Variants in TATDN2 observed in about 807,000 individuals in gnomAD.
TATDN2 encodes the protein 3'-5' RNA nuclease TATDN2.
Under a neutral mutation model 60.3 loss-of-function variants are expected in TATDN2, and 44 were observed. The observed-to-expected ratio is 0.73, with a 90% confidence interval of 0.57 to 0.94. TATDN2 has a LOEUF of 0.94. TATDN2 is among the 40% of genes least tolerant of loss of function. The pLI, the probability that TATDN2 is intolerant of heterozygous loss-of-function variation, is 0.00. For synonymous variants in TATDN2, 399 were observed against 355.8 expected (o/e 1.12, Z -1.37); for missense variants, 997 against 948.0 (o/e 1.05, Z -0.68).
intron 3 of TATDN2, among the ~76,000 whole-genome samples, chr3:10,262,024 A>G (rs762496373): frequency 5.9e-5 from 9 of 151,848 alleles, no homozygotes; most frequent in Non-Finnish European, 1.2e-4. Context: ...GTAAAACTTC[A>G]TTTTCCTTAA....
chr3:10,257,612 CAA>C (rs919342302), intron 2 of TATDN2, among the ~76,000 whole-genome samples: 1 of 108,280 alleles, frequency 9.2e-6, no homozygotes, highest in Admixed American at 9.5e-5. Context: ...AAAAAAAAAA[CAA>C]AAAAAAAAAA....
chr3:10,276,730 C>T (rs868314836), intron 5 of TATDN2, among the ~76,000 whole-genome samples: 10 of 151,984 alleles, frequency 6.6e-5, no homozygotes, highest in Admixed American at 4.6e-4. Flanking sequence ...CTGGGATTAC[C>T]GGCACATGCC....
At chr3:10,276,891 C>T (rs1306348699) in intron 5 of TATDN2, among the ~76,000 whole-genome samples, 2 of 152,164 alleles carry the variant, frequency 1.3e-5, no homozygotes, top group South Asian at 2.1e-4. Flanking sequence ...CCGGCCTATA[C>T]ACTATCTTTT....
chr3:10,264,183 CCT>C (rs1374760227), intron 3 of TATDN2, among the ~76,000 whole-genome samples: 2 of 152,050 alleles, frequency 1.3e-5, no homozygotes. Context: ...CAGATTTCAC[CCT>C]GTCCTCCTCC....
At position 10,278,795 on chromosome 3, in the gene TATDN2, T is replaced by G; in HGVS notation, c.2146-90T>G. 1 of 1,590,682 alleles carries G rather than the reference T, an allele frequency of 6.3e-7. No homozygotes were observed. The highest frequency in any genetic ancestry group is 1.1e-5 in the South Asian group (1 of 89,404). Reference sequence around the variant, plus strand: ...TCTCTACAGGGCAGCCCCAAAGAGGTCCTTGCTGGGGAAGGGACAGGGAGG... The same window carrying G: ...TCTCTACAGGGCAGCCCCAAAGAGGGCCTTGCTGGGGAAGGGACAGGGAGG... On this transcript the variant is annotated intron_variant, in intron 6 of 7. Transcript: ENST00000448281. The surrounding 1 kb of genome is among the most constrained non-coding windows in gnomAD (Gnocchi z 4.7).
chr3:10,271,988 G>A (rs1221196941), intron 4 of TATDN2, among the ~76,000 whole-genome samples: 2 of 151,732 alleles, frequency 1.3e-5, no homozygotes, highest in Non-Finnish European at 1.5e-5. Context: ...CTCGGCGTCC[G>A]AAAAGTGCTG....
At position 10,249,554 on chromosome 3, in the gene TATDN2, T is replaced by G; in HGVS notation, c.354T>G (p.Arg118=). The part of the protein sequence containing the change: ...GFLSSGGSPL[R]PANASLEEMA... The stretch of plus-strand genomic sequence containing the variant: ...TGTCTTCAGGGGGATCCCCTCTGCG[T>G]CCTGCCAACGCCTCTTTGGAAGAAA... The change falls in exon 2 of 8, where the codon CGT becomes CGG. Residue 118 remains arginine, a synonymous_variant. Transcript: ENST00000448281. The G allele has an allele frequency of 6.4e-7, 1 of 1,567,500 alleles. No individual in the cohort carries two copies. Among genetic ancestry groups the G allele is most frequent in the South Asian group, 1.2e-5 (1 of 84,746 alleles).
chr3:10,250,183 C>CT (rs1202853733), intron 2 of TATDN2, among the ~76,000 whole-genome samples: 91 of 111,664 alleles, frequency 8.1e-4, no homozygotes, highest in African/African-American at 2.8e-3. Context: ...TTTTTTTTTT[C>CT]TTTTTTTTTT....
intron 4 of TATDN2, 146 bp downstream of exon 4, chr3:10,271,161 GATGCCATTTGTCAA>G: frequency 5.1e-6 from 5 of 981,674 alleles, no homozygotes; most frequent in Non-Finnish European, 7.0e-6. Flanking sequence ...AGACCATCTA[GATGCCATTTGTCAA>G]ATGCTTTACA....
chr3:10,256,069 A>G (rs1403319997), intron 2 of TATDN2, among the ~76,000 whole-genome samples: 2 of 152,124 alleles, frequency 1.3e-5, no homozygotes, highest in African/African-American at 4.8e-5. Flanking sequence ...ACTCTCTAAC[A>G]TACATATTTC....
intron 3 of TATDN2, among the ~76,000 whole-genome samples, chr3:10,263,004 G>A (rs187080919): frequency 6.6e-6 from 1 of 152,036 alleles, no homozygotes; most frequent in African/African-American, 2.4e-5. Context: ...AGGTTCAAGC[G>A]ATTCTCCTGC....
At position 10,249,408 on chromosome 3, in the gene TATDN2, TCCTGGGGCTCATC is replaced by T. The variant is rs762404331; in HGVS notation, c.211_223del (p.Trp71AlafsTer28). The T allele has an allele frequency of 1.9e-6, 3 of 1,613,398 alleles. No individual in the cohort carries two copies. In the South Asian group the frequency reaches 3.3e-5, roughly 18 times the overall value. On this transcript the variant is annotated frameshift_variant, in exon 2 of 8. Transcript: ENST00000448281. LOFTEE classifies it high-confidence loss of function. Reference sequence around the variant, plus strand: ...CGATGTGGCTTGCTCGCGGAGGTTATCCTGGGGCTCATCCCGCCGCAGAAATAACTCCTCCTCC... The same window carrying T: ...CGATGTGGCTTGCTCGCGGAGGTTATCCGCCGCAGAAATAACTCCTCCTCC...
Position 10,278,689 on chromosome 3 carries a change from G to C in TATDN2, c.2146-196G>C. ...GCAGTGCAAAGCCCTACCCTGTAGA[G>C]GGTAGTCCAAGGAAGCGTGGGACCC... On this transcript the variant is annotated intron_variant, in intron 6 of 7. Coordinates refer to ENST00000448281, the MANE Select transcript of TATDN2 (RefSeq NM_014760.4). The surrounding 1 kb of genome is among the most constrained non-coding windows in gnomAD (Gnocchi z 4.7). 1 of 989,530 alleles carries C rather than the reference G, an allele frequency of 1.0e-6. No individual in the cohort carries two copies. The highest frequency in any genetic ancestry group is 1.5e-6 in the Non-Finnish European group (1 of 646,144). 61.3% of individuals were successfully genotyped at this position (989,530 alleles called of 1,614,324 possible).
In TATDN2 at chr3:10,249,035, A is replaced by G. The variant is rs1698177297; in HGVS notation, c.-39A>G. 1.4e-6 allele frequency: 1 copy of G among 734,306 alleles called. No homozygotes were observed. Among genetic ancestry groups the G allele is most frequent in the African/African-American group, 1.8e-5 (1 of 54,748 alleles). 45.5% of individuals were successfully genotyped at this position (734,306 alleles called of 1,614,324 possible). A position where few individuals can be genotyped will look rare whatever the true frequency, so the allele number is the denominator to read the frequency against. On this transcript the variant is annotated 5_prime_UTR_variant, in exon 1 of 8. Transcript: ENST00000448281. ...GGTTTGGCATCTCTGAAACCTTGAG[A>G]ACTGTGATGGGCAGTGGAAAGAAGA...
chr3:10,270,026 A>T (rs978068405), intron 3 of TATDN2, 105 bp from the exon 4 acceptor site: 15 of 1,423,982 alleles, frequency 1.1e-5, no homozygotes, highest in Non-Finnish European at 1.4e-5. Context: ...AGCCATCACC[A>T]TGGCCAGAAG....
At chr3:10,274,547 A>G (rs1396774308) in intron 4 of TATDN2, among the ~76,000 whole-genome samples, 1 of 152,160 alleles carries the variant, frequency 6.6e-6, no homozygotes, top group Non-Finnish European at 1.5e-5. Flanking sequence ...AATTTTTTAG[A>G]GGCAGGAATG....
At position 10,270,653 on chromosome 3, in the gene TATDN2, C is replaced by T; in HGVS notation, c.1471C>T (p.Leu491=). The T allele has an allele frequency of 6.2e-7, 1 of 1,614,216 alleles. No homozygotes were observed. Among genetic ancestry groups the T allele is most frequent in the Non-Finnish European group, 8.5e-7 (1 of 1,180,042 alleles). ...SLPKSHLEPS[L]EEGFIDTHCH... ...GCCAAAGAGCCACCTGGAGCCAAGC[C>T]TAGAGGAGGGCTTCATTGACACTCA... The change falls in exon 4 of 8, where the codon CTA becomes TTA. Residue 491 remains leucine (L), a synonymous_variant. Coordinates refer to ENST00000448281, the MANE Select transcript of TATDN2 (RefSeq NM_014760.4).
chr3:10,258,722 G>A (rs1431026118), intron 2 of TATDN2, among the ~76,000 whole-genome samples: 2 of 149,948 alleles, frequency 1.3e-5, no homozygotes, highest in Non-Finnish European at 3.0e-5. Flanking sequence ...CACTTGCCTC[G>A]GCCTCCCAAA....
chr3:10,252,838 G>A (rs1186306683), intron 2 of TATDN2, among the ~76,000 whole-genome samples: 1 of 145,264 alleles, frequency 6.9e-6, no homozygotes, highest in Non-Finnish European at 1.5e-5. Context: ...TCAGGCGTGT[G>A]CCAACCTGCC....
Sources: gnomAD v4.1 joint callset for allele counts (sites outside exome capture counted in the v4.1 genomes callset) on GRCh38, gnomAD v4.1.1 for gene constraint, Gnocchi (gnomAD v3.1) non-coding constraint, MANE v1.5 for transcripts, NCBI Gene and HGNC (gene_info 2026-07-23, HGNC 2026-07-21) for gene names.